The following DLGAP1 variants were observed in gnomAD, a reference collection of about 807,000 sequenced individuals.
DLGAP1 encodes the protein DLG associated protein 1, also known as disks large-associated protein 1.
Under a neutral mutation model 90.8 loss-of-function variants are expected in DLGAP1, and 11 were observed. The observed-to-expected ratio is 0.12, with a 90% CI of 0.08 to 0.20. The LOEUF is 0.20. DLGAP1 is among the 10% of genes least tolerant of loss of function. The probability of loss-of-function intolerance (pLI) is 1.00; values close to 1 mark genes in which losing one functional copy is unlikely to be tolerated. For missense variants in DLGAP1, 1,050 were observed against 1,333.8 expected (o/e 0.79, Z 3.31); for synonymous variants, 558 against 540.7 (o/e 1.03, Z -0.44).
At chr18:4,089,967 C>T (rs922294217) in intron 2 of DLGAP1, among the ~76,000 whole-genome samples, 2 of 152,242 alleles carry the variant, frequency 1.3e-5, no homozygotes, top group East Asian at 3.9e-4. Context: ...ATGGCGTGAA[C>T]CCGGGAGGCG....
chr18:3,901,041 A>T (rs1392699737), intron 3 of DLGAP1, among the ~76,000 whole-genome samples: 1 of 151,886 alleles, frequency 6.6e-6, no homozygotes, highest in East Asian at 1.9e-4. Flanking sequence ...GCAGCTTGAC[A>T]GCCCCTCGTG....
At chr18:3,868,712 G>C (rs1321567427) in intron 4 of DLGAP1, among the ~76,000 whole-genome samples, 1 of 152,226 alleles carries the variant, frequency 6.6e-6, no homozygotes, top group Non-Finnish European at 1.5e-5. Flanking sequence ...CATTGGAGAA[G>C]CAGGCGAGGT....
chr18:4,020,968 A>G lies in DLGAP1; in HGVS notation c.-158-15767T>C, dbSNP rs575552972. On this transcript the variant is annotated intron_variant, in intron 2 of 12. Coordinates refer to ENST00000315677, the MANE Select transcript of DLGAP1 (RefSeq NM_004746.4). ...CCACCCAGACTGGTAAACTGGTTCA[A>G]CCAGCTCGGCAATCCCACCCATGAA... Among the ~76,000 whole-genome samples the G allele has an allele frequency of 2.0e-5, 3 of 152,204 alleles. No individual in the cohort carries two copies. The South Asian group carries it at 6.2e-4, about 32-fold the overall frequency.
intron 1 of DLGAP1, among the ~76,000 whole-genome samples, chr18:4,420,717 T>C (rs281010): frequency 0.94 from 142,455 of 152,236 alleles, 67,347 homozygotes; most frequent in East Asian, 1. Flanking sequence ...ACAGTTGCTC[T>C]CTGGATAGTT....
At chr18:3,574,939 C>T (rs369231572) in intron 8 of DLGAP1, among the ~76,000 whole-genome samples, 7 of 151,498 alleles carry the variant, frequency 4.6e-5, no homozygotes, top group South Asian at 4.2e-4. Context: ...CTCAGCCTCC[C>T]GAGTAGCTGG....
chr18:4,285,669 A>G (rs1401525591), intron 1 of DLGAP1, among the ~76,000 whole-genome samples: 2 of 152,194 alleles, frequency 1.3e-5, no homozygotes, highest in African/African-American at 4.8e-5. Flanking sequence ...GAAATGACAT[A>G]CAGAAATCGG....
intron 7 of DLGAP1, among the ~76,000 whole-genome samples, chr18:3,612,125 G>A (rs2057663971): frequency 2.0e-5 from 3 of 152,222 alleles, no homozygotes; most frequent in Admixed American, 2.0e-4. Flanking sequence ...GAAGGCTGAG[G>A]TGGGATGATT....
intron 3 of DLGAP1, among the ~76,000 whole-genome samples, chr18:3,902,859 G>A (rs1469549056): frequency 6.6e-6 from 1 of 151,860 alleles, no homozygotes; most frequent in Non-Finnish European, 1.5e-5. Flanking sequence ...TCCTGGCCTT[G>A]AGCCTTCCTC....
At chr18:3,826,847 C>A (rs2067744788) in intron 4 of DLGAP1, among the ~76,000 whole-genome samples, 1 of 152,104 alleles carries the variant, frequency 6.6e-6, no homozygotes, top group African/African-American at 2.4e-5. Flanking sequence ...GAGGCTCATG[C>A]AATAACCTAG....
At chr18:3,966,813 G>A (rs2073341959) in intron 3 of DLGAP1, among the ~76,000 whole-genome samples, 1 of 151,880 alleles carries the variant, frequency 6.6e-6, no homozygotes, top group Admixed American at 6.6e-5. Flanking sequence ...AGGTGAGAGG[G>A]GACGTCTGAG....
chr18:3,858,507 T>TATAC (rs2069808809), intron 4 of DLGAP1, among the ~76,000 whole-genome samples: 2 of 148,276 alleles, frequency 1.3e-5, no homozygotes, highest in Admixed American at 1.4e-4. Context: ...TATATACATA[T>TATAC]ATATACACGT....
chr18:4,146,425 C>T (rs1028371698), intron 2 of DLGAP1, among the ~76,000 whole-genome samples: 1 of 152,150 alleles, frequency 6.6e-6, no homozygotes, highest in Non-Finnish European at 1.5e-5. Context: ...CCTTAGTGGA[C>T]TGATTGACTC....
intron 5 of DLGAP1, among the ~76,000 whole-genome samples, chr18:3,754,723 C>CAAAAAAAAAAAAAAAAAA (rs1161245616): frequency 1.7e-5 from 1 of 58,764 alleles, no homozygotes; most frequent in Non-Finnish European, 3.7e-5. Flanking sequence ...TACTAAAATA[C>CAAAAAAAAAAAAAAAAAA]AAAAAAAAAA....
chr18:4,168,270 C>G (rs981136995), intron 1 of DLGAP1, among the ~76,000 whole-genome samples: 2 of 152,060 alleles, frequency 1.3e-5, no homozygotes, highest in African/African-American at 4.8e-5. Flanking sequence ...ACAGGAAACC[C>G]AGAAATAGGT....
chr18:4,051,126 C>T (rs948622414), intron 2 of DLGAP1, among the ~76,000 whole-genome samples: 1 of 152,128 alleles, frequency 6.6e-6, no homozygotes. Flanking sequence ...TCCTTAAGTC[C>T]ACCATGGTGG....
intron 2 of DLGAP1, among the ~76,000 whole-genome samples, chr18:4,070,937 C>T (rs1330028732): frequency 2.0e-5 from 3 of 152,020 alleles, no homozygotes; most frequent in Admixed American, 6.6e-5. Flanking sequence ...AGAAACTGGC[C>T]CCATCTCAAA....
At chr18:4,194,316 G>T (rs942864640) in intron 1 of DLGAP1, among the ~76,000 whole-genome samples, 21 of 152,142 alleles carry the variant, frequency 1.4e-4, no homozygotes, top group African/African-American at 4.6e-4. Context: ...ATTTTCCTAA[G>T]ATTAAAGCTG....
At chr18:4,121,284 TGTA>T (rs199581652) in intron 2 of DLGAP1, among the ~76,000 whole-genome samples, 2,275 of 152,172 alleles carry the variant, frequency 0.015, 60 homozygotes, top group African/African-American at 0.052. Context: ...GATAGATTGA[TGTA>T]GAGGAGGTAA....
intron 2 of DLGAP1, among the ~76,000 whole-genome samples, chr18:4,150,277 AT>A (rs2076653635): frequency 6.6e-6 from 1 of 152,218 alleles, no homozygotes; most frequent in South Asian, 2.1e-4. Context: ...CTTCTGTAGT[AT>A]ATTTGATTTA....
Sources: allele counts gnomAD v4.1 joint callset (sites outside exome capture counted in the v4.1 genomes callset), GRCh38; gene constraint gnomAD v4.1.1; transcripts MANE v1.5; gene names NCBI Gene and HGNC (gene_info 2026-07-23, HGNC 2026-07-21).